Variants in ASCC3 observed in about 807,000 individuals in gnomAD.
ASCC3 encodes the protein ASC-1 complex subunit P200.
Under a neutral mutation model 256.3 loss-of-function variants are expected in ASCC3, and 158 were observed. The ratio of observed to expected loss-of-function variants is 0.62; its 90% CI spans 0.54 to 0.70. The LOEUF is 0.70. ASCC3 is among the 30% of genes least tolerant of loss of function. The pLI, the probability that ASCC3 is intolerant of heterozygous loss-of-function variation, is 0.00. For missense variants in ASCC3, 2,259 were observed against 2,626.0 expected (o/e 0.86, Z 3.05); for synonymous variants, 948 against 883.4 (o/e 1.07, Z -1.30).
intron 4 of ASCC3, among the ~76,000 whole-genome samples, chr6:100,846,307 C>A (rs1772380299): frequency 6.6e-6 from 1 of 152,118 alleles, no homozygotes; most frequent in Admixed American, 6.6e-5. Context: ...AGAATTGTAT[C>A]TAAAATATAA....
At chr6:100,765,418 A>G (rs1255556276) in intron 10 of ASCC3, among the ~76,000 whole-genome samples, 2 of 152,156 alleles carry the variant, frequency 1.3e-5, no homozygotes, top group East Asian at 3.8e-4. Context: ...AAACATTTAC[A>G]AACTATTCTC....
At chr6:100,646,870 G>A (rs1220076472) in intron 21 of ASCC3, 101 bp from the exon 22 acceptor site, 1 of 1,240,064 alleles carries the variant, frequency 8.1e-7, no homozygotes, top group Non-Finnish European at 1.2e-6. Context: ...TTTATTGCTT[G>A]TTTTATGATT....
chr6:100,865,961 T>C (rs1399232244), intron 2 of ASCC3, among the ~76,000 whole-genome samples: 2 of 149,880 alleles, frequency 1.3e-5, no homozygotes, highest in African/African-American at 5.0e-5. Flanking sequence ...TTCATTTATT[T>C]ATTTATTTAT....
chr6:100,594,020 C>T (rs191746973), intron 34 of ASCC3, among the ~76,000 whole-genome samples: 1 of 151,978 alleles, frequency 6.6e-6, no homozygotes, highest in Non-Finnish European at 1.5e-5. Flanking sequence ...AATATACACA[C>T]ACAGACACAC....
At chr6:100,818,140 A>C (rs1770844009) in intron 4 of ASCC3, among the ~76,000 whole-genome samples, 1 of 152,226 alleles carries the variant, frequency 6.6e-6, no homozygotes, top group South Asian at 2.1e-4. Flanking sequence ...AGAATTTAAA[A>C]AACAAATCAC....
rs569922457 is a variant in ASCC3 at position 100,798,746 on chromosome 6, C to T, written c.1362G>A (p.Glu454=). 8 of 1,613,068 alleles carry T rather than the reference C, an allele frequency of 5.0e-6. No homozygotes were observed. Among genetic ancestry groups the T allele is most frequent in the Admixed American group, 1.7e-5 (1 of 59,968 alleles). ...PYSEPMPLSF[E]EKPVYIQDLD... ...AGTCTTGGATATAAACTGGCTTTTC[C>T]TCAAAGCTGAGTGGCATTGGTTCGC... Residue 454 remains glutamate (E), a synonymous_variant, in exon 8 of 42, where the codon GAG becomes GAA. Transcript: ENST00000369162.
chr6:100,862,443 G>GA (rs889440547), intron 3 of ASCC3, among the ~76,000 whole-genome samples: 2 of 151,002 alleles, frequency 1.3e-5, no homozygotes, highest in Non-Finnish European at 3.0e-5. Flanking sequence ...AACATATTTG[G>GA]AAAAAAAAAT....
At chr6:100,787,760 C>T (rs947644882) in intron 8 of ASCC3, among the ~76,000 whole-genome samples, 2 of 151,984 alleles carry the variant, frequency 1.3e-5, no homozygotes, top group Admixed American at 1.3e-4. Context: ...GATGCCTGAA[C>T]AACTGGACAG....
intron 10 of ASCC3, among the ~76,000 whole-genome samples, chr6:100,728,697 C>T (rs9498196): frequency 0.019 from 2,944 of 152,074 alleles, 86 homozygotes; most frequent in African/African-American, 0.068. Flanking sequence ...TATTAAACTA[C>T]GTGCAACAGC....
At chr6:100,640,424 T>A (rs912426039) in intron 24 of ASCC3, among the ~76,000 whole-genome samples, 2 of 152,108 alleles carry the variant, frequency 1.3e-5, no homozygotes, top group Non-Finnish European at 2.9e-5. Flanking sequence ...GGTGGTACAT[T>A]TATTGTTTTT....
intron 30 of ASCC3, among the ~76,000 whole-genome samples, chr6:100,608,267 A>T (rs1327121727): frequency 7.4e-5 from 5 of 67,754 alleles, no homozygotes; most frequent in African/African-American, 2.8e-4. Flanking sequence ...TATATACTTT[A>T]TATATATACT....
chr6:100,809,903 A>G (rs1310436869), intron 4 of ASCC3, among the ~76,000 whole-genome samples: 3 of 152,116 alleles, frequency 2.0e-5, no homozygotes, highest in East Asian at 1.9e-4. Flanking sequence ...GAGTTAGTTA[A>G]TAAGAATAGT....
chr6:100,569,169 T>C (rs1273155430), intron 36 of ASCC3, among the ~76,000 whole-genome samples: 3 of 152,152 alleles, frequency 2.0e-5, no homozygotes, highest in East Asian at 3.9e-4. Context: ...TGGTGAAAGG[T>C]AGGAGTCCAG....
At chr6:100,582,538 A>G (rs1479436696) in intron 36 of ASCC3, among the ~76,000 whole-genome samples, 4 of 152,006 alleles carry the variant, frequency 2.6e-5, no homozygotes, top group Non-Finnish European at 5.9e-5. Context: ...GCAAACAGGG[A>G]CAATTTGACT....
intron 34 of ASCC3, among the ~76,000 whole-genome samples, chr6:100,593,366 C>T (rs906594077): frequency 2.6e-5 from 4 of 151,910 alleles, no homozygotes; most frequent in Non-Finnish European, 5.9e-5. Context: ...TTACAAAGTT[C>T]GTAAAATTTA....
chr6:100,514,914 G>T (rs1325340479), intron 39 of ASCC3, among the ~76,000 whole-genome samples: 2 of 152,088 alleles, frequency 1.3e-5, no homozygotes, highest in Non-Finnish European at 2.9e-5. Flanking sequence ...AATAATTCAG[G>T]ATTTGTATGT....
At chr6:100,870,182 A>G (rs888971922) in intron 1 of ASCC3, among the ~76,000 whole-genome samples, 1 of 151,726 alleles carries the variant, frequency 6.6e-6, no homozygotes, top group East Asian at 1.9e-4. Context: ...AGAAACCTGA[A>G]CTTGATTTTA....
intron 14 of ASCC3, among the ~76,000 whole-genome samples, chr6:100,667,144 CCTT>C (rs1456475765): frequency 4.6e-5 from 7 of 152,128 alleles, no homozygotes; most frequent in Admixed American, 4.6e-4. Context: ...TGGCAGGGTG[CCTT>C]CTTCATACTG....
intron 15 of ASCC3, 60 bp downstream of exon 15, chr6:100,662,285 C>G (rs1463517496): frequency 3.2e-6 from 5 of 1,542,806 alleles, no homozygotes; most frequent in Non-Finnish European, 4.4e-6. Flanking sequence ...TGTAAGTCAA[C>G]CCAGAGCCTT....
Sources: gnomAD v4.1 joint callset for allele counts (sites outside exome capture counted in the v4.1 genomes callset) on GRCh38, gnomAD v4.1.1 for gene constraint, MANE v1.5 for transcripts, NCBI Gene and HGNC (gene_info 2026-07-23, HGNC 2026-07-21) for gene names.